Variants in NDST3 observed in about 807,000 individuals in gnomAD.
NDST3 encodes the protein N-deacetylase and N-sulfotransferase 3, also known as bifunctional heparan sulfate N-deacetylase/N-sulfotransferase 3.
Under a neutral mutation model 96.1 loss-of-function variants are expected in NDST3, and 58 were observed. That is an observed-to-expected ratio of 0.60 (90% CI 0.49 to 0.75). The LOEUF (loss-of-function observed/expected upper bound fraction) is 0.75, where lower values mean the gene tolerates loss of function less well. NDST3 is among the 30% of genes least tolerant of loss of function. The pLI, the probability that NDST3 is intolerant of heterozygous loss-of-function variation, is 0.00. For missense variants in NDST3, 788 were observed against 1,034.2 expected (o/e 0.76, Z 3.27); for synonymous variants, 333 against 359.7 (o/e 0.93, Z 0.84).
At chr4:118,086,945 C>T (rs1032463835) in intron 2 of NDST3, among the ~76,000 whole-genome samples, 6 of 151,932 alleles carry the variant, frequency 3.9e-5, no homozygotes, top group African/African-American at 9.7e-5. Flanking sequence ...TAAAAAGCAC[C>T]GCTTATGGCA....
intron 4 of NDST3, among the ~76,000 whole-genome samples, chr4:118,127,161 G>C (rs1210922806): frequency 6.6e-6 from 1 of 151,856 alleles, no homozygotes; most frequent in Non-Finnish European, 1.5e-5. Context: ...TCACTTTGTT[G>C]AATGTTTTGT....
chr4:118,193,726 G>A (rs1028377861), intron 6 of NDST3: 33 of 1,350,812 alleles, frequency 2.4e-5, no homozygotes, highest in Middle Eastern at 2.2e-4. Context: ...GGCCCTTCTC[G>A]TTGTTGCTGC....
At chr4:118,194,405 C>A (rs1475491532) in intron 6 of NDST3, 2 of 734,498 alleles carry the variant, frequency 2.7e-6, no homozygotes, top group East Asian at 5.0e-5. Flanking sequence ...TGGAGGACTG[C>A]CTGCTGCACC....
chr4:118,202,943 G>T (rs1738192365), intron 6 of NDST3, among the ~76,000 whole-genome samples: 1 of 152,202 alleles, frequency 6.6e-6, no homozygotes, highest in African/African-American at 2.4e-5. Flanking sequence ...GATGTTGGCT[G>T]TGGGTTTGTC....
At chr4:118,160,430 A>G (rs1030574221) in intron 6 of NDST3, among the ~76,000 whole-genome samples, 1 of 152,084 alleles carries the variant, frequency 6.6e-6, no homozygotes, top group African/African-American at 2.4e-5. Context: ...ACAAAGGTCC[A>G]ATAGCCAGTA....
intron 4 of NDST3, among the ~76,000 whole-genome samples, chr4:118,129,093 T>C (rs1476253728): frequency 6.6e-6 from 1 of 151,918 alleles, no homozygotes; most frequent in African/African-American, 2.4e-5. Flanking sequence ...TCTTTGTTAA[T>C]CTGGCTAATG....
chr4:118,088,674 T>C (rs1171776345), intron 2 of NDST3, among the ~76,000 whole-genome samples: 1 of 152,050 alleles, frequency 6.6e-6, no homozygotes, highest in African/African-American at 2.4e-5. Flanking sequence ...AATGTTTGTG[T>C]TCAAATTACC....
chr4:118,146,560 A>C (rs1733961968), intron 6 of NDST3, among the ~76,000 whole-genome samples: 1 of 152,220 alleles, frequency 6.6e-6, no homozygotes, highest in African/African-American at 2.4e-5. Context: ...AGGTAAAAAA[A>C]CCGTTAAACA....
At chr4:118,073,697 C>T (rs368383344) in intron 2 of NDST3, among the ~76,000 whole-genome samples, 39 of 151,768 alleles carry the variant, frequency 2.6e-4, no homozygotes, top group African/African-American at 8.9e-4. Flanking sequence ...CTCTTACATG[C>T]TTTTTTATGT....
At chr4:118,084,297 T>C (rs1403767972) in intron 2 of NDST3, among the ~76,000 whole-genome samples, 2 of 152,234 alleles carry the variant, frequency 1.3e-5, no homozygotes, top group Non-Finnish European at 2.9e-5. Flanking sequence ...ATCATTTTAC[T>C]ATCTATATGT....
chr4:118,060,846 C>A (rs980394001), intron 2 of NDST3, among the ~76,000 whole-genome samples: 1 of 152,058 alleles, frequency 6.6e-6, no homozygotes, highest in Non-Finnish European at 1.5e-5. Context: ...TCTCCTTTGG[C>A]GGTTGGGTTA....
chr4:118,175,685 A>T (rs1736234799), intron 6 of NDST3, among the ~76,000 whole-genome samples: 1 of 152,070 alleles, frequency 6.6e-6, no homozygotes, highest in Non-Finnish European at 1.5e-5. Context: ...TCCTTGTGGC[A>T]ACTTATAAAA....
chr4:118,119,384 C>T (rs1323622070), intron 4 of NDST3, among the ~76,000 whole-genome samples: 1 of 152,106 alleles, frequency 6.6e-6, no homozygotes, highest in Non-Finnish European at 1.5e-5. Context: ...TGAATGAATA[C>T]TACCACTTTT....
chr4:118,240,773 A>G (rs1191196172), intron 11 of NDST3, 79 bp downstream of exon 11: 2 of 1,377,546 alleles, frequency 1.5e-6, no homozygotes, highest in Non-Finnish European at 9.9e-7. Flanking sequence ...GAAAATTTTC[A>G]ATTGTTAAAC....
intron 6 of NDST3, among the ~76,000 whole-genome samples, chr4:118,152,528 C>T (rs759722814): frequency 2.4e-4 from 37 of 152,006 alleles, no homozygotes; most frequent in Non-Finnish European, 4.6e-4. Flanking sequence ...CAATTGGTAA[C>T]CAAAACCCTG....
intron 1 of NDST3, among the ~76,000 whole-genome samples, chr4:118,053,156 G>A (rs190862229): frequency 3.9e-5 from 6 of 152,030 alleles, no homozygotes; most frequent in Non-Finnish European, 8.8e-5. Flanking sequence ...TTTGGAAAAT[G>A]CAACTATGAA....
chr4:118,088,630 A>G (rs922854469), intron 2 of NDST3, among the ~76,000 whole-genome samples: 4 of 152,096 alleles, frequency 2.6e-5, no homozygotes, highest in Non-Finnish European at 5.9e-5. Flanking sequence ...CTTGTGAAAC[A>G]AAGAAACCGC....
chr4:118,129,117 G>A (rs1047990402), intron 4 of NDST3, among the ~76,000 whole-genome samples: 3 of 151,120 alleles, frequency 2.0e-5, no homozygotes, highest in African/African-American at 7.3e-5. Context: ...TGCTGATTTT[G>A]TTTATCTTAG....
chr4:118,101,049 C>G (rs2125845148), intron 2 of NDST3, among the ~76,000 whole-genome samples: 1 of 151,962 alleles, frequency 6.6e-6, no homozygotes, highest in African/African-American at 2.4e-5. Context: ...ATATTTTTAT[C>G]TGCTAAAATA....
Sources: gnomAD v4.1 joint callset for allele counts (sites outside exome capture counted in the v4.1 genomes callset) on GRCh38, gnomAD v4.1.1 for gene constraint, MANE v1.5 for transcripts, NCBI Gene and HGNC (gene_info 2026-07-23, HGNC 2026-07-21) for gene names.